Variants in FBXL7 observed in about 807,000 individuals in gnomAD.
The protein encoded by FBXL7 is F-box and leucine rich repeat protein 7.
FBXL7 carries 12 observed loss-of-function variants against 38.3 expected under a neutral mutation model. That is an observed-to-expected ratio of 0.31 (90% confidence interval 0.20 to 0.51). FBXL7 has a LOEUF of 0.51. Among genes scored for constraint, FBXL7 ranks in the 20% least tolerant of loss-of-function variants. FBXL7 has a pLI of 0.98. For missense variants in FBXL7, 567 were observed against 676.4 expected (o/e 0.84, Z 1.79); for synonymous variants, 297 against 300.9 (o/e 0.99, Z 0.13).
intron 2 of FBXL7, among the ~76,000 whole-genome samples, chr5:15,862,035 CACTG>C (rs758206154): frequency 4.6e-5 from 7 of 152,248 alleles, no homozygotes; most frequent in Non-Finnish European, 7.4e-5. Flanking sequence ...AGAGTTTTAA[CACTG>C]ACTGTCTTTG....
At chr5:15,556,798 A>G (rs903818082) in intron 1 of FBXL7, among the ~76,000 whole-genome samples, 6 of 152,164 alleles carry the variant, frequency 3.9e-5, no homozygotes, top group Non-Finnish European at 5.9e-5. Flanking sequence ...GAAGTAAGGT[A>G]TATTTATTAA....
At chr5:15,774,931 G>A (rs1287437045) in intron 2 of FBXL7, among the ~76,000 whole-genome samples, 1 of 152,170 alleles carries the variant, frequency 6.6e-6, no homozygotes, top group Admixed American at 6.5e-5. Flanking sequence ...CAAAGTAGGT[G>A]AGAAAAGTAG....
At chr5:15,571,092 T>TAAAAA (rs397996852) in intron 1 of FBXL7, among the ~76,000 whole-genome samples, 1 of 129,300 alleles carries the variant, frequency 7.7e-6, no homozygotes, top group African/African-American at 2.9e-5. Context: ...ATTCTGTCTT[T>TAAAAA]AAAAAAAAAA....
intron 2 of FBXL7, among the ~76,000 whole-genome samples, chr5:15,709,877 G>A (rs893954339): frequency 1.3e-5 from 2 of 152,070 alleles, no homozygotes; most frequent in African/African-American, 2.4e-5. Context: ...AAGGTAAAAG[G>A]GGCCTAATTC....
intron 1 of FBXL7, among the ~76,000 whole-genome samples, chr5:15,590,862 T>C (rs1197267063): frequency 6.6e-6 from 1 of 152,186 alleles, no homozygotes; most frequent in Non-Finnish European, 1.5e-5. Flanking sequence ...CATAGCTTTA[T>C]TGGGGAAAAT....
intron 2 of FBXL7, among the ~76,000 whole-genome samples, chr5:15,912,834 G>A (rs1741473954): frequency 6.6e-6 from 1 of 152,016 alleles, no homozygotes; most frequent in African/African-American, 2.4e-5. Context: ...CCCTAGAAAG[G>A]GGCTCTGGGG....
intron 1 of FBXL7, among the ~76,000 whole-genome samples, chr5:15,532,726 G>A (rs554942369): frequency 1.6e-4 from 24 of 152,358 alleles, no homozygotes; most frequent in Middle Eastern, 3.4e-3. Flanking sequence ...CCAGAGAACA[G>A]AGAACTTTGG....
intron 1 of FBXL7, among the ~76,000 whole-genome samples, chr5:15,541,331 C>G (rs1033913971): frequency 2.0e-5 from 3 of 149,048 alleles, no homozygotes; most frequent in Admixed American, 1.3e-4. Context: ...ATTTTGAACA[C>G]TTACGTGGTT....
intron 2 of FBXL7, among the ~76,000 whole-genome samples, chr5:15,802,630 C>A (rs188525436): frequency 6.6e-6 from 1 of 151,864 alleles, no homozygotes; most frequent in African/African-American, 2.4e-5. Flanking sequence ...ACTAGCACTG[C>A]TCTCTCTCAG....
At chr5:15,716,431 C>G (rs1744046010) in intron 2 of FBXL7, among the ~76,000 whole-genome samples, 1 of 152,162 alleles carries the variant, frequency 6.6e-6, no homozygotes, top group African/African-American at 2.4e-5. Context: ...TTTTTTATAA[C>G]AAGATTAAGT....
intron 1 of FBXL7, among the ~76,000 whole-genome samples, chr5:15,546,771 T>C (rs1447025477): frequency 6.6e-6 from 1 of 152,076 alleles, no homozygotes; most frequent in African/African-American, 2.4e-5. Flanking sequence ...AAACTTAAAA[T>C]TACATATGGG....
intron 2 of FBXL7, among the ~76,000 whole-genome samples, chr5:15,756,399 C>T (rs1736297192): frequency 6.6e-6 from 1 of 152,182 alleles, no homozygotes; most frequent in African/African-American, 2.4e-5. Flanking sequence ...AAAAATCTTA[C>T]TTACCTCATC....
intron 2 of FBXL7, among the ~76,000 whole-genome samples, chr5:15,713,016 C>T (rs910762055): frequency 1.9e-4 from 29 of 152,178 alleles, no homozygotes; most frequent in African/African-American, 7.0e-4. Context: ...AGGACTTGCT[C>T]CTCCCTGTAG....
chr5:15,752,209 A>G (rs537537035), intron 2 of FBXL7, among the ~76,000 whole-genome samples: 1 of 152,326 alleles, frequency 6.6e-6, no homozygotes, highest in Admixed American at 6.5e-5. Context: ...AATGTAGGTG[A>G]CATATACCTA....
chr5:15,789,694 T>G (rs1269071249), intron 2 of FBXL7, among the ~76,000 whole-genome samples: 1 of 152,216 alleles, frequency 6.6e-6, no homozygotes, highest in African/African-American at 2.4e-5. Flanking sequence ...ACCCACTCCT[T>G]TGGTTCCAAT....
chr5:15,825,085 A>G (rs1023665145), intron 2 of FBXL7, among the ~76,000 whole-genome samples: 1 of 152,236 alleles, frequency 6.6e-6, no homozygotes, highest in Admixed American at 6.5e-5. Context: ...AAAGTAAATA[A>G]TAAACATTTA....
intron 1 of FBXL7, among the ~76,000 whole-genome samples, chr5:15,526,361 A>T (rs1038658231): frequency 2.0e-5 from 3 of 152,126 alleles, no homozygotes; most frequent in Non-Finnish European, 4.4e-5. Context: ...CCTCCTGAGG[A>T]TTCTGTGTCA....
At chr5:15,691,940 T>A (rs1426547587) in intron 2 of FBXL7, among the ~76,000 whole-genome samples, 1 of 152,138 alleles carries the variant, frequency 6.6e-6, no homozygotes, top group Non-Finnish European at 1.5e-5. Flanking sequence ...GTGGCTGGTT[T>A]AGGGTTCTGA....
intron 1 of FBXL7, among the ~76,000 whole-genome samples, chr5:15,584,710 C>G (rs568498248): frequency 1.3e-5 from 2 of 152,332 alleles, no homozygotes; most frequent in South Asian, 4.1e-4. Context: ...TTTCAGGTTA[C>G]CTTTATAAAA....
Sources: gnomAD v4.1 joint callset for allele counts (sites outside exome capture counted in the v4.1 genomes callset) on GRCh38, gnomAD v4.1.1 for gene constraint, MANE v1.5 for transcripts, NCBI Gene and HGNC (gene_info 2026-07-23, HGNC 2026-07-21) for gene names.